The following PLXNA2 variants were observed in gnomAD, a reference collection of about 807,000 sequenced individuals.
PLXNA2 encodes the protein plexin A2, also known as plexin-A2.
A neutral mutation model predicts 193.5 loss-of-function variants in PLXNA2; 91 were observed. The observed-to-expected ratio is 0.47, with a 90% CI of 0.40 to 0.56. The LOEUF (loss-of-function observed/expected upper bound fraction) is 0.56. Ranked by LOEUF, PLXNA2 falls within the 20% of genes least tolerant of loss-of-function variation. The pLI is 0.00. For synonymous variants in PLXNA2, 997 were observed against 1,027.3 expected (o/e 0.97, Z 0.56); for missense variants, 1,995 against 2,503.2 (o/e 0.80, Z 4.33).
At chr1:208,151,379 G>A (rs1007484193) in intron 3 of PLXNA2, among the ~76,000 whole-genome samples, 2 of 152,094 alleles carry the variant, frequency 1.3e-5, no homozygotes, top group African/African-American at 2.4e-5. Context: ...AACCTCTTAG[G>A]CTTTTTGAAC....
intron 3 of PLXNA2, among the ~76,000 whole-genome samples, chr1:208,208,703 G>A (rs1320942771): frequency 1.3e-5 from 2 of 152,192 alleles, no homozygotes; most frequent in African/African-American, 4.8e-5. Flanking sequence ...CCCTTAGAGA[G>A]CCTGTGTGCC....
chr1:208,068,611 G>T (rs1308176289), intron 12 of PLXNA2, among the ~76,000 whole-genome samples: 1 of 152,222 alleles, frequency 6.6e-6, no homozygotes, highest in African/African-American at 2.4e-5. Flanking sequence ...CCCGCACTCG[G>T]GTCGTGCCTT....
chr1:208,151,009 G>T (rs1327749723), intron 3 of PLXNA2, among the ~76,000 whole-genome samples: 1 of 152,204 alleles, frequency 6.6e-6, no homozygotes, highest in Non-Finnish European at 1.5e-5. Flanking sequence ...CCAGCTTTAG[G>T]CTTGGGCAGG....
At chr1:208,114,842 AAG>A (rs1571932990) in intron 4 of PLXNA2, among the ~76,000 whole-genome samples, 1 of 152,062 alleles carries the variant, frequency 6.6e-6, no homozygotes, top group African/African-American at 2.4e-5. Flanking sequence ...ATGTGTGTGA[AAG>A]AGAGAGAGAG....
chr1:208,151,813 T>C (rs1668772832), intron 3 of PLXNA2, among the ~76,000 whole-genome samples: 2 of 152,230 alleles, frequency 1.3e-5, no homozygotes, highest in South Asian at 4.1e-4. Flanking sequence ...ATCTGTCTGA[T>C]TCCAAAGCCT....
At chr1:208,089,731 A>G (rs1433945640) in intron 9 of PLXNA2, among the ~76,000 whole-genome samples, 1 of 152,218 alleles carries the variant, frequency 6.6e-6, no homozygotes, top group Admixed American at 6.5e-5. Flanking sequence ...TAGGAAGCAG[A>G]CAGACATAAA....
Position 208,096,839 on chromosome 1 carries a change from G to T in PLXNA2, c.1776C>A (p.Ile592=), listed in dbSNP as rs149213633. ...CTGTCAGGTTCCCAAAGGCACAGGC[G>T]ATACCCGCAGATAGATCAGGAGCAT... The part of the protein sequence containing the change: ...VSDAPDLSAG[I]ACAFGNLTEV... The change falls in exon 7 of 32, where the codon ATC becomes ATA. Residue 592 remains isoleucine (I), a synonymous_variant. Coordinates refer to ENST00000367033, the MANE Select transcript of PLXNA2 (RefSeq NM_025179.4). 6.2e-7 allele frequency: 1 copy of T among 1,613,890 alleles called. No individual in the cohort carries two copies. Among genetic ancestry groups the T allele is most frequent in the African/African-American group, 1.3e-5 (1 of 74,900 alleles).
At chr1:208,122,882 TG>T (rs1667850462) in intron 4 of PLXNA2, among the ~76,000 whole-genome samples, 1 of 152,172 alleles carries the variant, frequency 6.6e-6, no homozygotes, top group African/African-American at 2.4e-5. Context: ...AATTAGGACA[TG>T]ATCTTCCCAA....
At chr1:208,117,124 T>C (rs1368297602) in intron 4 of PLXNA2, among the ~76,000 whole-genome samples, 1 of 152,012 alleles carries the variant, frequency 6.6e-6, no homozygotes, top group Non-Finnish European at 1.5e-5. Context: ...TGAGCCGGGA[T>C]CACACCACTG....
At chr1:208,045,353 GGACTTCTAAC>G in intron 18 of PLXNA2, 143 bp from the exon 19 acceptor site, 1 of 714,190 alleles carries the variant, frequency 1.4e-6, no homozygotes, top group Non-Finnish European at 2.4e-6. Flanking sequence ...TTTGTGGAGG[GGACTTCTAAC>G]AGCCATGATC....
chr1:208,117,174 T>TA (rs1294694633), intron 4 of PLXNA2, among the ~76,000 whole-genome samples: 2 of 151,276 alleles, frequency 1.3e-5, no homozygotes, highest in African/African-American at 4.9e-5. Flanking sequence ...CTGTCTCACA[T>TA]AAAAAAAAGA....
In PLXNA2 at chr1:208,079,313, A is replaced by G; in HGVS notation, c.2533T>C (p.Trp845Arg). 6.2e-7 allele frequency: 1 copy of G among 1,613,150 alleles called. No individual in the cohort carries two copies. The highest frequency in any genetic ancestry group is 8.5e-7 in the Non-Finnish European group (1 of 1,179,214). ...HQHCTSPSSPWLDWSSHNVKC... is the reference protein window; with the variant it reads ...HQHCTSPSSPRLDWSSHNVKC... ...ACATTGTGGCTGGACCAGTCGAGCC[A>G]GGGGCTGGAAGGGCTGGTACAGTGC... Residue 845 changes from tryptophan (W) to arginine (R), a missense_variant, in exon 12 of 32, where the codon TGG (tryptophan) becomes CGG (arginine). Physicochemically the swap from Trp to Arg is moderately radical, Grantham distance 101 (BLOSUM62 -3). This residue lies in a region of PLXNA2 where 1,291 missense variants were observed against 1,673.6 expected (regional missense o/e 0.77). Coordinates refer to ENST00000367033, the MANE Select transcript of PLXNA2 (RefSeq NM_025179.4).
intron 4 of PLXNA2, among the ~76,000 whole-genome samples, chr1:208,128,625 TTTTCCTTTG>T (rs1668043165): frequency 6.6e-6 from 1 of 151,968 alleles, no homozygotes. Flanking sequence ...TTCATAGATA[TTTTCCTTTG>T]TTTCCTTTTT....
chr1:208,220,115 G>T (rs1021462454), intron 1 of PLXNA2, among the ~76,000 whole-genome samples: 1 of 152,158 alleles, frequency 6.6e-6, no homozygotes, highest in Non-Finnish European at 1.5e-5. Flanking sequence ...GGAGCCGCGA[G>T]GGGAGGAAGG....
intron 4 of PLXNA2, among the ~76,000 whole-genome samples, chr1:208,129,818 G>A (rs931325316): frequency 4.6e-5 from 7 of 152,196 alleles, no homozygotes; most frequent in African/African-American, 1.7e-4. Context: ...TAAGCTCTTT[G>A]CTGTGAGCAC....
chr1:208,029,284 G>C, intron 29 of PLXNA2: 2 of 1,326,252 alleles, frequency 1.5e-6, no homozygotes, highest in Non-Finnish European at 1.9e-6. Flanking sequence ...ACATCCGAGG[G>C]GTGGGCCTGG....
chr1:208,216,581 T>C (rs1418939933), intron 2 of PLXNA2, among the ~76,000 whole-genome samples, 154 bp downstream of exon 2: 2 of 152,368 alleles, frequency 1.3e-5, no homozygotes, highest in South Asian at 2.1e-4. Context: ...CGTAAGACCC[T>C]GCGTTATTGG....
intron 3 of PLXNA2, among the ~76,000 whole-genome samples, chr1:208,205,532 G>C (rs1670689803): frequency 6.6e-6 from 1 of 152,170 alleles, no homozygotes. Flanking sequence ...CCCACACCCA[G>C]GGGACCTTGG....
intron 9 of PLXNA2, among the ~76,000 whole-genome samples, chr1:208,089,737 A>G (rs1484017139): frequency 6.6e-6 from 1 of 152,206 alleles, no homozygotes; most frequent in Non-Finnish European, 1.5e-5. Flanking sequence ...GCAGACAGAC[A>G]TAAAATTTTG....
Sources: allele counts gnomAD v4.1 joint callset (sites outside exome capture counted in the v4.1 genomes callset), GRCh38; gene constraint gnomAD v4.1.1; regional missense constraint gnomAD v4.1.1; transcripts MANE v1.5; gene names NCBI Gene and HGNC (gene_info 2026-07-23, HGNC 2026-07-21).